The following PRKG1 variants were observed in gnomAD, a reference collection of about 807,000 sequenced individuals.
PRKG1 encodes the protein cGMP-dependent protein kinase 1.
Under a neutral mutation model 88.1 loss-of-function variants are expected in PRKG1, and 35 were observed. The ratio of observed to expected loss-of-function variants is 0.40; its 90% CI spans 0.30 to 0.53. The LOEUF is 0.53. Ranked by LOEUF, PRKG1 falls within the 20% of genes least tolerant of loss-of-function variation. PRKG1 has a pLI of 0.59. For synonymous variants in PRKG1, 303 were observed against 292.5 expected (o/e 1.04, Z -0.37); for missense variants, 540 against 839.8 (o/e 0.64, Z 4.41).
At chr10:51,664,481 T>G (rs1589173020) in intron 3 of PRKG1, among the ~76,000 whole-genome samples, 1 of 152,138 alleles carries the variant, frequency 6.6e-6, no homozygotes, top group Non-Finnish European at 1.5e-5. Context: ...CTCAAGAACA[T>G]AAGTCTCTTA....
At chr10:51,484,864 T>C (rs1048909645) in intron 3 of PRKG1, among the ~76,000 whole-genome samples, 1 of 152,218 alleles carries the variant, frequency 6.6e-6, no homozygotes, top group Non-Finnish European at 1.5e-5. Context: ...GTTGCTGCTG[T>C]TGTTGTTCTG....
intron 7 of PRKG1, among the ~76,000 whole-genome samples, chr10:52,096,813 T>C (rs1305404997): frequency 2.0e-5 from 3 of 152,300 alleles, no homozygotes; most frequent in South Asian, 2.1e-4. Context: ...CCTTGGGCTA[T>C]TATTTAATAC....
At chr10:51,434,355 C>A (rs931062877) in intron 2 of PRKG1, among the ~76,000 whole-genome samples, 1 of 152,108 alleles carries the variant, frequency 6.6e-6, no homozygotes, top group South Asian at 2.1e-4. Flanking sequence ...AGGGGGCAAA[C>A]TGCACCTTAA....
intron 2 of PRKG1, among the ~76,000 whole-genome samples, chr10:51,195,359 G>A (rs74484463): frequency 3.6e-4 from 55 of 152,214 alleles, no homozygotes; most frequent in African/African-American, 1.3e-3. Context: ...CAGTTCAAAC[G>A]TCAGTTTTCA....
chr10:52,011,873 G>T (rs1347165578), intron 5 of PRKG1, among the ~76,000 whole-genome samples: 1 of 152,134 alleles, frequency 6.6e-6, no homozygotes, highest in Non-Finnish European at 1.5e-5. Flanking sequence ...TGGATCTCAT[G>T]ATATCTGATG....
intron 2 of PRKG1, among the ~76,000 whole-genome samples, chr10:51,259,359 C>T (rs911141449): frequency 2.0e-5 from 3 of 152,126 alleles, no homozygotes; most frequent in African/African-American, 4.8e-5. Context: ...TGATTATTCC[C>T]GTTTATTTTG....
chr10:51,398,487 C>T (rs1351163788), intron 2 of PRKG1, among the ~76,000 whole-genome samples: 1 of 152,156 alleles, frequency 6.6e-6, no homozygotes, highest in Non-Finnish European at 1.5e-5. Context: ...GGACCCCTGC[C>T]TTAAGGAACC....
intron 1 of PRKG1, among the ~76,000 whole-genome samples, chr10:51,060,497 A>C (rs1407099406): frequency 6.6e-6 from 1 of 152,170 alleles, no homozygotes; most frequent in East Asian, 1.9e-4. Context: ...TAGAGAGTAC[A>C]ACATGTAATA....
intron 4 of PRKG1, among the ~76,000 whole-genome samples, chr10:51,830,569 T>G (rs867856130): frequency 2.5e-4 from 33 of 132,204 alleles, no homozygotes; most frequent in South Asian, 4.8e-4. Context: ...TGTTTTTTTT[T>G]TTTTTTTTTT....
At chr10:51,151,806 C>G (rs894777652) in intron 1 of PRKG1, among the ~76,000 whole-genome samples, 1 of 151,744 alleles carries the variant, frequency 6.6e-6, no homozygotes, top group African/African-American at 2.4e-5. Context: ...TGAATTATTA[C>G]AAAACATAAT....
chr10:51,510,186 C>T (rs1589031160), intron 3 of PRKG1, among the ~76,000 whole-genome samples: 1 of 151,878 alleles, frequency 6.6e-6, no homozygotes, highest in East Asian at 1.9e-4. Context: ...AGGAATTTAC[C>T]AATAATATTA....
chr10:51,074,083 C>T (rs1468021592), upstream of PRKG1, among the ~76,000 whole-genome samples: 18 of 149,198 alleles, frequency 1.2e-4, no homozygotes, highest in African/African-American at 4.0e-4. Flanking sequence ...TGTCCCCTCC[C>T]TCCCACCTCC....
chr10:51,945,616 G>A (rs1417509602), intron 5 of PRKG1, among the ~76,000 whole-genome samples: 1 of 151,636 alleles, frequency 6.6e-6, no homozygotes, highest in Non-Finnish European at 1.5e-5. Context: ...TCCATGTTTA[G>A]TGCTTCCTTC....
chr10:52,293,266 A>G (rs148336523), intron 17 of PRKG1, among the ~76,000 whole-genome samples: 2,240 of 151,930 alleles, frequency 0.015, 51 homozygotes, highest in African/African-American at 0.051. Flanking sequence ...AAAAGAGGAA[A>G]CAAACAAATG....
At chr10:51,424,059 G>T (rs1838499203) in intron 2 of PRKG1, among the ~76,000 whole-genome samples, 1 of 152,052 alleles carries the variant, frequency 6.6e-6, no homozygotes, top group South Asian at 2.1e-4. Context: ...TACCTAAATT[G>T]AAATATCAAA....
rs182653648 is a variant in PRKG1 at position 51,270,675 on chromosome 10, T to A, written c.478+117345T>A. Reference sequence around the variant, plus strand: ...TTCTCTCAGAAAAAAATCAGTTTTTTAAAAATAACTGATAAAAATCAACCC... The same window carrying A: ...TTCTCTCAGAAAAAAATCAGTTTTTAAAAAATAACTGATAAAAATCAACCC... On this transcript the variant is annotated intron_variant, in intron 2 of 17. Coordinates refer to ENST00000373980, the MANE Select transcript of PRKG1 (RefSeq NM_006258.4). Among the ~76,000 whole-genome samples, 201 of 152,238 alleles carry A rather than the reference T, an allele frequency of 1.3e-3. No homozygotes were observed. In the East Asian group the frequency reaches 0.034, roughly 26 times the overall value.
intron 3 of PRKG1, among the ~76,000 whole-genome samples, chr10:51,604,254 A>G (rs762548691): frequency 2.0e-5 from 3 of 152,066 alleles, no homozygotes; most frequent in Non-Finnish European, 4.4e-5. Context: ...TCAAGTTCCT[A>G]GTTTTTAAAC....
At chr10:52,265,060 T>A (rs148269855) in intron 10 of PRKG1, among the ~76,000 whole-genome samples, 14 of 152,238 alleles carry the variant, frequency 9.2e-5, no homozygotes, top group African/African-American at 3.4e-4. Context: ...AAATGCATAT[T>A]ACGTCAAATT....
At chr10:52,182,751 G>A (rs1180131345) in intron 9 of PRKG1, among the ~76,000 whole-genome samples, 6 of 148,960 alleles carry the variant, frequency 4.0e-5, no homozygotes, top group African/African-American at 1.5e-4. Context: ...TTGTAGATAT[G>A]CGGCATTATT....
Sources: allele counts gnomAD v4.1 joint callset (sites outside exome capture counted in the v4.1 genomes callset), GRCh38; gene constraint gnomAD v4.1.1; transcripts MANE v1.5; gene names NCBI Gene and HGNC (gene_info 2026-07-23, HGNC 2026-07-21).